THSD4: variants seen among roughly 807,000 people sequenced by gnomAD.
The protein encoded by THSD4 is thrombospondin type 1 domain containing 4.
A neutral mutation model predicts 119.0 loss-of-function variants in THSD4; 69 were observed. The observed-to-expected ratio is 0.58, with a 90% CI of 0.48 to 0.71. The LOEUF (loss-of-function observed/expected upper bound fraction) is 0.71. Among genes scored for constraint, THSD4 ranks in the 30% least tolerant of loss-of-function variants. The pLI is 0.00. For missense variants in THSD4, 1,393 were observed against 1,391.1 expected, an observed-to-expected ratio of 1.00 and a Z score of -0.02; for synonymous variants, 524 against 540.4, an observed-to-expected ratio of 0.97 and a Z score of 0.42.
chr15:71,565,762 A>G (rs2049224586), intron 7 of THSD4, among the ~76,000 whole-genome samples: 2 of 152,212 alleles, frequency 1.3e-5, no homozygotes, highest in African/African-American at 4.8e-5. Context: ...TGAACCTCTG[A>G]AACCACAGGA....
chr15:71,492,050 C>A (rs559481330), intron 7 of THSD4, among the ~76,000 whole-genome samples: 1 of 150,604 alleles, frequency 6.6e-6, no homozygotes, highest in East Asian at 2.0e-4. Context: ...GTTTGAAATG[C>A]CTGTTCATGT....
chr15:71,162,280 C>A (rs1185709207), intron 3 of THSD4, among the ~76,000 whole-genome samples: 2 of 151,994 alleles, frequency 1.3e-5, no homozygotes, highest in Non-Finnish European at 2.9e-5. Flanking sequence ...CCAGCTATAG[C>A]AATTCTATAA....
intron 6 of THSD4, among the ~76,000 whole-genome samples, chr15:71,396,303 C>A (rs2046454903): frequency 6.6e-6 from 1 of 151,518 alleles, no homozygotes; most frequent in Non-Finnish European, 1.5e-5. Flanking sequence ...TACATATGCA[C>A]ACACACACAC....
chr15:71,725,321 G>T lies in THSD4; in HGVS notation c.1358-3228G>T, dbSNP rs182997477. 5.3e-5 allele frequency among the ~76,000 whole-genome samples: 8 copies of T among 152,086 alleles called. No homozygotes were observed. The East Asian group carries it at 1.5e-3, about 29-fold the overall frequency. On this transcript the variant is annotated intron_variant, in intron 8 of 17. Transcript: ENST00000261862. ...GACATCTGACTAAAGCTGGCAAGGA[G>T]GTAATTACATATGAAATTCTAAGGC...
At chr15:71,604,363 C>T (rs890767786) in intron 7 of THSD4, among the ~76,000 whole-genome samples, 1 of 152,104 alleles carries the variant, frequency 6.6e-6, no homozygotes. Context: ...ATTGTTTTGC[C>T]ATCTTTTATT....
chr15:71,513,645 C>T (rs12101403), intron 7 of THSD4, among the ~76,000 whole-genome samples: 1 of 152,064 alleles, frequency 6.6e-6, no homozygotes, highest in Admixed American at 6.5e-5. Flanking sequence ...AATGGTACAA[C>T]CACTTTGGAC....
intron 7 of THSD4, among the ~76,000 whole-genome samples, chr15:71,495,008 C>T (rs991072721): frequency 1.3e-5 from 2 of 152,196 alleles, no homozygotes; most frequent in African/African-American, 4.8e-5. Context: ...AGTATTGATA[C>T]AGCTGACCTG....
At chr15:71,695,502 ATGTGTGTGTGTGTGTG>A (rs3086738) in intron 8 of THSD4, among the ~76,000 whole-genome samples, 1 of 144,128 alleles carries the variant, frequency 6.9e-6, no homozygotes, top group South Asian at 2.2e-4. Flanking sequence ...GTGTGTGTGC[ATGTGTGTGTGTGTGTG>A]TGTGTGTGTG....
intron 7 of THSD4, among the ~76,000 whole-genome samples, chr15:71,554,159 A>T (rs532207322): frequency 1.4e-5 from 2 of 143,128 alleles, no homozygotes; most frequent in Admixed American, 7.3e-5. Context: ...GCACGATCTC[A>T]GCTCACTGCA....
chr15:71,476,868 C>G (rs914067794), intron 7 of THSD4, among the ~76,000 whole-genome samples: 46 of 152,152 alleles, frequency 3.0e-4, no homozygotes, highest in African/African-American at 1.1e-3. Context: ...GAAAAGTGAG[C>G]CTTCAGGAGC....
At chr15:71,771,030 A>C (rs750818137) in intron 16 of THSD4, 34 bp from the exon 17 acceptor site, 5 of 1,607,356 alleles carry the variant, frequency 3.1e-6, no homozygotes, top group Middle Eastern at 3.4e-4. Flanking sequence ...TGGTCTGCCC[A>C]AAAATCTGAT....
At position 71,124,272 on chromosome 15, in the gene THSD4, G is replaced by T. The variant is rs1005403177; in HGVS notation, c.-80+8574G>T. Among the ~76,000 whole-genome samples the T allele has an allele frequency of 5.3e-5, 8 of 152,196 alleles. No homozygotes were observed. In the South Asian group the frequency reaches 1.7e-3, roughly 32 times the overall value. ...TAGATAAATGAACAGGCAGGACTGT[G>T]TTCCAGTGAAACTGACTTATGGGCA... On this transcript the variant is annotated intron_variant, in intron 1 of 17. Transcript: ENST00000261862.
intron 7 of THSD4, among the ~76,000 whole-genome samples, chr15:71,413,490 C>T (rs1160307122): frequency 6.6e-6 from 1 of 152,212 alleles, no homozygotes; most frequent in Non-Finnish European, 1.5e-5. Flanking sequence ...CGGCATTTCA[C>T]TCTCAGTCTT....
intron 6 of THSD4, among the ~76,000 whole-genome samples, chr15:71,303,268 G>C (rs1237510407): frequency 2.6e-5 from 4 of 152,228 alleles, no homozygotes; most frequent in Non-Finnish European, 4.4e-5. Context: ...ATCCAGGACA[G>C]TGGCTAACAC....
intron 7 of THSD4, among the ~76,000 whole-genome samples, chr15:71,575,667 A>G (rs1224829196): frequency 6.6e-6 from 1 of 152,210 alleles, no homozygotes; most frequent in Non-Finnish European, 1.5e-5. Context: ...TTACCACTAG[A>G]TGACCTTCCC....
chr15:71,164,627 C>A, intron 3 of THSD4: 1 of 1,226,262 alleles, frequency 8.2e-7, no homozygotes, highest in Non-Finnish European at 1.1e-6. Flanking sequence ...AGTGTGTTAA[C>A]TATACAAAAA....
At chr15:71,700,815 C>T (rs530823729) in intron 8 of THSD4, among the ~76,000 whole-genome samples, 1 of 151,962 alleles carries the variant, frequency 6.6e-6, no homozygotes, top group East Asian at 1.9e-4. Context: ...CAATAATCAG[C>T]ATTAGGATAA....
intron 6 of THSD4, among the ~76,000 whole-genome samples, chr15:71,366,976 C>A (rs560842215): frequency 8.6e-4 from 131 of 152,334 alleles, no homozygotes; most frequent in African/African-American, 2.9e-3. Context: ...CCAAAGAGCT[C>A]CTCTTTCAAG....
At chr15:71,745,806 G>A (rs2053325463) in intron 12 of THSD4, among the ~76,000 whole-genome samples, 1 of 152,138 alleles carries the variant, frequency 6.6e-6, no homozygotes, top group Non-Finnish European at 1.5e-5. Context: ...TACCACGCCT[G>A]GCTAATTTTT....
Sources: gnomAD v4.1 joint callset for allele counts (sites outside exome capture counted in the v4.1 genomes callset) on GRCh38, gnomAD v4.1.1 for gene constraint, MANE v1.5 for transcripts, NCBI Gene and HGNC (gene_info 2026-07-23, HGNC 2026-07-21) for gene names.